Variants in MYO16 observed in about 807,000 individuals in gnomAD.
MYO16 encodes the protein unconventional myosin-XVI.
MYO16 carries 94 observed loss-of-function variants against 205.3 expected under a neutral mutation model. The observed-to-expected ratio is 0.46, with a 90% CI of 0.39 to 0.54. MYO16 has a LOEUF of 0.54. Ranked by LOEUF, MYO16 falls within the 20% of genes least tolerant of loss-of-function variation. MYO16 has a pLI of 0.00. For missense variants in MYO16, 2,315 were observed against 2,387.5 expected (o/e 0.97, Z 0.63); for synonymous variants, 988 against 954.0 (o/e 1.04, Z -0.66).
chr13:109,106,041 C>T (rs1455872963), intron 28 of MYO16, among the ~76,000 whole-genome samples: 2 of 152,096 alleles, frequency 1.3e-5, no homozygotes, highest in Admixed American at 1.3e-4. Flanking sequence ...TCCTTATTTG[C>T]AAAGTGGGAT....
chr13:108,643,670 A>C (rs1184942360), intron 1 of MYO16, among the ~76,000 whole-genome samples: 1 of 152,176 alleles, frequency 6.6e-6, no homozygotes, highest in South Asian at 2.1e-4. Context: ...TCTTTGATGG[A>C]TATATCACAG....
chr13:108,798,695 T>A (rs1594302673), intron 6 of MYO16, among the ~76,000 whole-genome samples: 1 of 105,984 alleles, frequency 9.4e-6, no homozygotes, highest in Non-Finnish European at 1.9e-5. Flanking sequence ...CTTATTTTTT[T>A]TTTTTTTTTT....
chr13:109,005,407 A>C (rs987610765), intron 21 of MYO16, among the ~76,000 whole-genome samples: 1 of 152,124 alleles, frequency 6.6e-6, no homozygotes, highest in Non-Finnish European at 1.5e-5. Context: ...TTTTGACCTG[A>C]ATCTAAGAAT....
At chr13:108,869,499 C>T (rs527838649) in intron 12 of MYO16, among the ~76,000 whole-genome samples, 1 of 150,884 alleles carries the variant, frequency 6.6e-6, no homozygotes, top group Non-Finnish European at 1.5e-5. Flanking sequence ...CCGAGGCGGG[C>T]GAATCACGAG....
At chr13:108,789,711 G>A (rs1566330082) in intron 5 of MYO16, among the ~76,000 whole-genome samples, 1 of 152,124 alleles carries the variant, frequency 6.6e-6, no homozygotes, top group Non-Finnish European at 1.5e-5. Flanking sequence ...CACTTATTAT[G>A]AAGATAAAAA....
chr13:108,729,352 C>T (rs951561403), intron 4 of MYO16, among the ~76,000 whole-genome samples: 2 of 152,112 alleles, frequency 1.3e-5, no homozygotes, highest in Non-Finnish European at 2.9e-5. Flanking sequence ...GCTAACAACT[C>T]ATAGAGCACG....
intron 2 of MYO16, among the ~76,000 whole-genome samples, chr13:108,682,884 G>A (rs1352160410): frequency 6.6e-6 from 1 of 152,138 alleles, no homozygotes; most frequent in Non-Finnish European, 1.5e-5. Flanking sequence ...TTATCTGGCT[G>A]GATGCATCTT....
the MYO16 span, among the ~76,000 whole-genome samples, chr13:108,525,297 T>C: frequency 9.2e-5 from 14 of 152,226 alleles, no homozygotes; most frequent in African/African-American, 3.4e-4. Context: ...AGCTAAATTA[T>C]TTAGCTCTCC....
chr13:109,111,937 C>T (rs146345213), intron 28 of MYO16, among the ~76,000 whole-genome samples: 3,890 of 152,232 alleles, frequency 0.026, 67 homozygotes, highest in Middle Eastern at 0.078. Context: ...CCACCCACCT[C>T]GGCCTCCCAA....
intron 34 of MYO16, among the ~76,000 whole-genome samples, chr13:109,186,241 T>C (rs1343711125): frequency 6.6e-6 from 1 of 152,156 alleles, no homozygotes; most frequent in Non-Finnish European, 1.5e-5. Context: ...GACACATACT[T>C]AGTGCAAAAT....
At chr13:108,793,815 G>A (rs868470536) in intron 6 of MYO16, among the ~76,000 whole-genome samples, 175 bp downstream of exon 6, 4 of 152,028 alleles carry the variant, frequency 2.6e-5, no homozygotes, top group Non-Finnish European at 4.4e-5. Context: ...ATGCAGACCC[G>A]GCAGTCCCAT....
chr13:109,188,113 T>G (rs193265207), intron 34 of MYO16, among the ~76,000 whole-genome samples: 17 of 152,382 alleles, frequency 1.1e-4, no homozygotes, highest in Admixed American at 9.8e-4. Flanking sequence ...TATTTGTATT[T>G]CTTTGTCTTA....
intron 9 of MYO16, among the ~76,000 whole-genome samples, chr13:108,832,297 C>T (rs549517722): frequency 1.3e-4 from 20 of 151,982 alleles, no homozygotes; most frequent in Admixed American, 5.2e-4. Context: ...TGTGCACCAC[C>T]GTGCCCAGCT....
chr13:108,909,893 G>A, intron 15 of MYO16, 110 bp from the exon 16 acceptor site: 2 of 1,120,468 alleles, frequency 1.8e-6, no homozygotes, highest in Non-Finnish European at 1.3e-6. Flanking sequence ...AGATGGGAAA[G>A]GGAGAACTCA....
At chr13:109,154,383 G>T (rs956362830) in intron 32 of MYO16, among the ~76,000 whole-genome samples, 2 of 152,180 alleles carry the variant, frequency 1.3e-5, no homozygotes, top group African/African-American at 4.8e-5. Context: ...AAATGCTCAA[G>T]GTCGATGACT....
At chr13:108,933,018 A>G (rs1304188173) in intron 16 of MYO16, among the ~76,000 whole-genome samples, 1 of 152,124 alleles carries the variant, frequency 6.6e-6, no homozygotes, top group East Asian at 1.9e-4. Flanking sequence ...GTGCCTGCGA[A>G]CGACAGAGAA....
Position 109,140,659 on chromosome 13 carries a change from C to T in MYO16, c.4447C>T (p.His1483Tyr), listed in dbSNP as rs1877018338. 2 of 1,495,414 alleles carry T rather than the reference C, an allele frequency of 1.3e-6. No homozygotes were observed. The highest frequency in any genetic ancestry group is 8.9e-7 in the Non-Finnish European group (1 of 1,126,384). The allele number at this position is 1,495,414 out of a possible 1,614,324, so 92.6% of individuals were successfully genotyped here. Residue 1483 changes from histidine (H) to tyrosine (Y), a missense_variant, in exon 32 of 35, where the codon CAC becomes TAC. By Grantham distance (83) the His-to-Tyr change is moderately conservative. Transcript: ENST00000457511. This position sits in a 1 kb window ranked among gnomAD's most constrained non-coding sequence, Gnocchi z 8.0. ...LLHGASPPLL[H>Y]RAPEDEAAGP... ...CCACGGCGCATCGCCGCCCCTGCTCCACCGCGCGCCGGAGGACGAGGCGGC... is the reference window on the plus strand; with the variant it reads ...CCACGGCGCATCGCCGCCCCTGCTCTACCGCGCGCCGGAGGACGAGGCGGC...
intron 23 of MYO16, among the ~76,000 whole-genome samples, chr13:109,031,941 T>C (rs935078889): frequency 1.3e-5 from 2 of 152,170 alleles, no homozygotes; most frequent in African/African-American, 4.8e-5. Context: ...TGCCTAGACA[T>C]TGTACGGTGG....
intron 12 of MYO16, among the ~76,000 whole-genome samples, chr13:108,880,687 A>ATT (rs1229897472): frequency 6.6e-6 from 1 of 151,984 alleles, no homozygotes; most frequent in Non-Finnish European, 1.5e-5. Flanking sequence ...GTGTGGTATT[A>ATT]TTTCCGGGGG....
Sources: allele counts gnomAD v4.1 joint callset (sites outside exome capture counted in the v4.1 genomes callset), GRCh38; gene constraint gnomAD v4.1.1; non-coding constraint Gnocchi (gnomAD v3.1); transcripts MANE v1.5; gene names NCBI Gene and HGNC (gene_info 2026-07-23, HGNC 2026-07-21).